MIER1: variants seen among roughly 807,000 people sequenced by gnomAD.
The protein encoded by MIER1 is MIER1 transcriptional regulator.
Under a neutral mutation model 75.7 loss-of-function variants are expected in MIER1, and 40 were observed. The observed-to-expected ratio is 0.53, with a 90% CI of 0.41 to 0.69. The LOEUF (loss-of-function observed/expected upper bound fraction) is 0.69, where lower values mean the gene tolerates loss of function less well. Ranked by LOEUF, MIER1 falls within the 30% of genes least tolerant of loss-of-function variation. The pLI, the probability that MIER1 is intolerant of heterozygous loss-of-function variation, is 0.00. For synonymous variants in MIER1, 213 were observed against 223.4 expected, an observed-to-expected ratio of 0.95 and a Z score of 0.42; for missense variants, 574 against 680.2, an observed-to-expected ratio of 0.84 and a Z score of 1.74.
chr1:66,943,624 T>C (rs910276558), intron 3 of MIER1, among the ~76,000 whole-genome samples: 1 of 152,120 alleles, frequency 6.6e-6, no homozygotes, highest in South Asian at 2.1e-4. Flanking sequence ...CTCACTGTGT[T>C]GCCCAGGCTT....
Position 66,958,197 on chromosome 1 carries a change from A to G in MIER1, c.478A>G (p.Ser160Gly). Residue 160 changes from serine (S) to glycine (G), a missense_variant, in exon 5 of 14, where the codon AGT becomes GGT. Ser to Gly is a moderately conservative substitution (Grantham distance 56). Coordinates refer to ENST00000401041, the MANE Select transcript of MIER1 (RefSeq NM_001077700.3). ...DDEDADNDDN[S>G]GCSGENKEEN... ...TGAAGATGCTGATAATGATGACAAC[A>G]GTGGCTGTAGTGGGGAAAATAAAGT... 6.2e-7 allele frequency: 1 copy of G among 1,603,000 alleles called. No homozygotes were observed.
chr1:66,929,139 A>G (rs901349171), intron 2 of MIER1: 4 of 652,186 alleles, frequency 6.1e-6, no homozygotes, highest in Non-Finnish European at 1.1e-5. Flanking sequence ...CCTCCCCTAT[A>G]TTGCATTATA....
In MIER1 at chr1:66,985,004, A is replaced by C. The variant is rs903135939; in HGVS notation, c.*104A>C. ...AGTTGATTTCCTTGAAGCAGTTTGAAAATTTGAATTGAGTCTTAACTTTAG... is the reference window on the plus strand; with the variant it reads ...AGTTGATTTCCTTGAAGCAGTTTGACAATTTGAATTGAGTCTTAACTTTAG... On this transcript the variant is annotated 3_prime_UTR_variant, in exon 14 of 14. Transcript: ENST00000401041. The C allele has an allele frequency of 2.8e-6, 4 of 1,428,386 alleles. No individual in the cohort carries two copies. In the African/African-American group the frequency reaches 5.8e-5, roughly 21 times the overall value. The allele number at this position is 1,428,386 out of a possible 1,614,324, so 88.5% of individuals were successfully genotyped here. A position where few individuals can be genotyped will look rare whatever the true frequency, so the allele number is the denominator to read the frequency against.
At chr1:66,951,702 C>G (rs929832318) in intron 4 of MIER1, among the ~76,000 whole-genome samples, 1 of 152,080 alleles carries the variant, frequency 6.6e-6, no homozygotes, top group Non-Finnish European at 1.5e-5. Flanking sequence ...GCCTCAGCCT[C>G]TTGAGTAGCT....
At chr1:66,959,411 ATAT>A (rs1223370817) in intron 6 of MIER1, among the ~76,000 whole-genome samples, 6 of 152,178 alleles carry the variant, frequency 3.9e-5, no homozygotes, top group Non-Finnish European at 5.9e-5. Context: ...TAGTAAGATA[ATAT>A]TATCTTTATT....
rs897092925 is a variant in MIER1, at chr1:66,986,744, T to C, written c.*1844T>C. The C allele has an allele frequency of 1.4e-4, 46 of 320,020 alleles. No homozygotes were observed. Among genetic ancestry groups the C allele is most frequent in the African/African-American group, 8.8e-4 (41 of 46,728 alleles). 19.8% of individuals were successfully genotyped at this position (320,020 alleles called of 1,614,324 possible). A position where few individuals can be genotyped will look rare whatever the true frequency, so the allele number is the denominator to read the frequency against. ...TTTTGGGTGGAAGTGTTGAGAAGTA[T>C]GAGTTTTTTGTTGTTTTTGTTTTAC... On this transcript the variant is annotated 3_prime_UTR_variant, in exon 14 of 14. Transcript: ENST00000401041.
intron 2 of MIER1, among the ~76,000 whole-genome samples, chr1:66,927,065 T>A (rs914836723): frequency 6.6e-5 from 10 of 152,204 alleles, no homozygotes; most frequent in Non-Finnish European, 1.3e-4. Flanking sequence ...TGCTCCTAAA[T>A]GCTTTTGTTA....
At position 66,972,886 on chromosome 1, in the gene MIER1, C is replaced by T; in HGVS notation, c.1007-11C>T. On this transcript the variant is annotated splice_polypyrimidine_tract_variant and intron_variant, in intron 10 of 13. Transcript: ENST00000401041. ...ATATTGCTTAACAGTTTGTTCCTCC[C>T]ATCTTGTCAGAGGAATTATCTGTTT... is the stretch of plus-strand genomic sequence containing the variant. The T allele has an allele frequency of 2.1e-6, 3 of 1,439,110 alleles. No homozygotes were observed. The highest frequency in any genetic ancestry group is 9.7e-7 in the Non-Finnish European group (1 of 1,026,196). The allele number at this position is 1,439,110 out of a possible 1,614,324, so 89.1% of individuals were successfully genotyped here.
intron 8 of MIER1, among the ~76,000 whole-genome samples, chr1:66,969,232 A>AG (rs1000413890): frequency 6.6e-6 from 1 of 152,060 alleles, no homozygotes; most frequent in Non-Finnish European, 1.5e-5. Context: ...TGTGTGGGTG[A>AG]GGGGACAAGA....
chr1:66,987,306 A>G lies in MIER1; in HGVS notation c.*2406A>G, dbSNP rs1666904734. The G allele has an allele frequency of 6.5e-6, 1 of 152,712 alleles. No individual in the cohort carries two copies. The highest frequency in any genetic ancestry group is 2.1e-4 in the South Asian group (1 of 4,834). 9.5% of individuals were successfully genotyped at this position (152,712 alleles called of 1,614,324 possible). A position where few individuals can be genotyped will look rare whatever the true frequency, so the allele number is the denominator to read the frequency against. On this transcript the variant is annotated 3_prime_UTR_variant, in exon 14 of 14. Transcript: ENST00000401041. ...ATATCATGAATTTAATTTGCTTAAG[A>G]TTTAGTACATTTCAGAACTTTTGAA...
In MIER1 at chr1:66,952,040, A is replaced by G. The variant is rs752299537; in HGVS notation, c.339+5745A>G. ...GAATAATATATCTAAAGCGCTTAACATAATATTTGGCACATAATAAACACA... is the reference window on the plus strand; with the variant it reads ...GAATAATATATCTAAAGCGCTTAACGTAATATTTGGCACATAATAAACACA... On this transcript the variant is annotated intron_variant, in intron 4 of 13. Coordinates refer to ENST00000401041, the MANE Select transcript of MIER1 (RefSeq NM_001077700.3). Among the ~76,000 whole-genome samples, 3 of 152,358 alleles carry G rather than the reference A, an allele frequency of 2.0e-5. No individual in the cohort carries two copies. The East Asian group carries it at 5.8e-4, about 29-fold the overall frequency.
At chr1:66,944,799 C>T (rs551357617) in intron 3 of MIER1, among the ~76,000 whole-genome samples, 2 of 152,082 alleles carry the variant, frequency 1.3e-5, no homozygotes, top group East Asian at 3.9e-4. Flanking sequence ...GATCATGACT[C>T]ACTGTGGCCT....
chr1:66,961,379 G>A (rs984566717), intron 7 of MIER1, among the ~76,000 whole-genome samples: 1 of 152,124 alleles, frequency 6.6e-6, no homozygotes, highest in African/African-American at 2.4e-5. Flanking sequence ...TATAGTATGG[G>A]AATAACAATG....
intron 4 of MIER1, among the ~76,000 whole-genome samples, chr1:66,952,328 C>T (rs1250291756): frequency 6.6e-6 from 1 of 152,192 alleles, no homozygotes; most frequent in African/African-American, 2.4e-5. Context: ...GAACAGGTGA[C>T]TGACAGGCCC....
At chr1:66,980,315 C>G (rs1382032698) in intron 12 of MIER1, among the ~76,000 whole-genome samples, 1 of 152,182 alleles carries the variant, frequency 6.6e-6, no homozygotes, top group African/African-American at 2.4e-5. Context: ...TCAAGACCAT[C>G]TAATTGAATT....
chr1:66,984,533 T>C (rs369545235), intron 13 of MIER1, 39 bp from the exon 14 acceptor site: 53 of 1,470,050 alleles, frequency 3.6e-5, no homozygotes, highest in Non-Finnish European at 4.6e-5. Context: ...ATTTAACTTT[T>C]TTCTAATTGT....
chr1:66,953,915 T>G (rs903203833), intron 4 of MIER1, among the ~76,000 whole-genome samples: 1 of 152,170 alleles, frequency 6.6e-6, no homozygotes, highest in Non-Finnish European at 1.5e-5. Context: ...AAGTAAGCAT[T>G]TTCTTGATTG....
intron 7 of MIER1, 56 bp downstream of exon 7, chr1:66,959,799 C>G (rs1660890904): frequency 2.4e-6 from 2 of 831,366 alleles, no homozygotes; most frequent in African/African-American, 2.4e-5. Flanking sequence ...TTTTAAAAAG[C>G]CTCGTGTAAT....
At chr1:66,953,828 T>G (rs2101630631) in intron 4 of MIER1, among the ~76,000 whole-genome samples, 1 of 152,166 alleles carries the variant, frequency 6.6e-6, no homozygotes, top group Non-Finnish European at 1.5e-5. Flanking sequence ...GGTCTTGAAC[T>G]CCTGATCTCA....
Sources: gnomAD v4.1 joint callset for allele counts (sites outside exome capture counted in the v4.1 genomes callset) on GRCh38, gnomAD v4.1.1 for gene constraint, MANE v1.5 for transcripts, NCBI Gene and HGNC (gene_info 2026-07-23, HGNC 2026-07-21) for gene names.